Variants in ITPR1 observed in about 807,000 individuals in gnomAD.
ITPR1 encodes the protein inositol 1,4,5-trisphosphate receptor type 1, also known as inositol 1,4,5-trisphosphate-gated calcium channel ITPR1.
In ITPR1, 96 loss-of-function variants were observed where a neutral mutation model predicts 318.4. The ratio of observed to expected loss-of-function variants is 0.30; its 90% CI spans 0.26 to 0.36. ITPR1 has a LOEUF of 0.36. Ranked by LOEUF, ITPR1 falls within the 10% of genes least tolerant of loss-of-function variation. ITPR1 has a pLI of 1.00. For missense variants in ITPR1, 2,440 were observed against 3,460.2 expected (o/e 0.71, Z 7.40); for synonymous variants, 1,312 against 1,289.9 (o/e 1.02, Z -0.37).
chr3:4,533,233 A>G (rs1386473498), intron 4 of ITPR1, among the ~76,000 whole-genome samples: 1 of 152,230 alleles, frequency 6.6e-6, no homozygotes, highest in Non-Finnish European at 1.5e-5. Flanking sequence ...AATAGAAAAA[A>G]ACAATAGCTT....
At chr3:4,770,072 A>G (rs2046088396) in intron 46 of ITPR1, among the ~76,000 whole-genome samples, 2 of 152,164 alleles carry the variant, frequency 1.3e-5, no homozygotes. Context: ...GTTTCCTCCT[A>G]AGACACTCCA....
intron 4 of ITPR1, among the ~76,000 whole-genome samples, chr3:4,582,296 A>G (rs1359789951): frequency 6.6e-6 from 1 of 152,144 alleles, no homozygotes; most frequent in Non-Finnish European, 1.5e-5. Context: ...CCGCTGGTTA[A>G]TTTAATGCCT....
rs1210249662 is a variant in ITPR1, at chr3:4,669,746, C to G, written c.1979C>G (p.Thr660Ser). The G allele has an allele frequency of 1.2e-6, 2 of 1,612,890 alleles. No individual in the cohort carries two copies. The change falls in exon 19 of 62, where the codon ACC (threonine) becomes AGC (serine). Residue 660 changes from threonine to serine, a missense_variant. This residue lies in a region of ITPR1 where 478 missense variants were observed against 696.3 expected (regional missense o/e 0.69). Transcript: ENST00000649015. ...ATATGTAAAGCTGTGCTGAACCCCACCAACGCTGACATCCTGATTGAGACC... is the reference window on the plus strand; with the variant it reads ...ATATGTAAAGCTGTGCTGAACCCCAGCAACGCTGACATCCTGATTGAGACC... Reference protein sequence around the residue: ...ELICKAVLNPTNADILIETKL... With the variant: ...ELICKAVLNPSNADILIETKL...
At chr3:4,561,149 G>T (rs2086635280) in intron 4 of ITPR1, among the ~76,000 whole-genome samples, 1 of 152,218 alleles carries the variant, frequency 6.6e-6, no homozygotes, top group Non-Finnish European at 1.5e-5. Context: ...ATGTTTGTAA[G>T]TGCTGAGTCG....
At chr3:4,546,059 T>C (rs1160092518) in intron 4 of ITPR1, among the ~76,000 whole-genome samples, 1 of 152,160 alleles carries the variant, frequency 6.6e-6, no homozygotes, top group Non-Finnish European at 1.5e-5. Context: ...CAAGAACAAC[T>C]TTAGAGGTTC....
chr3:4,599,095 G>C (rs907454721), intron 4 of ITPR1, among the ~76,000 whole-genome samples: 1 of 151,654 alleles, frequency 6.6e-6, no homozygotes, highest in Admixed American at 6.6e-5. Flanking sequence ...CTAATATTGA[G>C]AATACTTACT....
At chr3:4,590,461 G>A (rs1476505174) in intron 4 of ITPR1, among the ~76,000 whole-genome samples, 2 of 151,112 alleles carry the variant, frequency 1.3e-5, no homozygotes, top group Admixed American at 6.6e-5. Flanking sequence ...TTGGACAGAA[G>A]CAAGAATGCT....
chr3:4,524,761 A>G (rs1267703930), intron 4 of ITPR1, among the ~76,000 whole-genome samples: 1 of 152,180 alleles, frequency 6.6e-6, no homozygotes, highest in Admixed American at 6.5e-5. Context: ...TGCAGCCCTA[A>G]TGGTTAATAA....
intron 2 of ITPR1, among the ~76,000 whole-genome samples, chr3:4,508,718 C>T (rs1291156286): frequency 6.6e-6 from 1 of 152,096 alleles, no homozygotes; most frequent in African/African-American, 2.4e-5. Flanking sequence ...GTTCTAAATA[C>T]TGAATTACTA....
intron 4 of ITPR1, among the ~76,000 whole-genome samples, chr3:4,558,727 T>G (rs530801668): frequency 6.6e-6 from 1 of 152,188 alleles, no homozygotes; most frequent in Non-Finnish European, 1.5e-5. Context: ...GAGCTCCTGG[T>G]GCAGGTACGA....
chr3:4,800,409 T>A lies in ITPR1; in HGVS notation c.6932-16T>A, dbSNP rs772247965. On this transcript the variant is annotated splice_polypyrimidine_tract_variant and intron_variant, in intron 53 of 61. Coordinates refer to ENST00000649015, the MANE Select transcript of ITPR1 (RefSeq NM_001378452.1). ...AAGGCACAGATTTGTGAGAGAACCC[T>A]GTTTTGTCCTTGCAGGAACCCTGGA... is the stretch of plus-strand genomic sequence containing the variant. 6.2e-7 allele frequency: 1 copy of A among 1,611,176 alleles called. No homozygotes were observed. The highest frequency in any genetic ancestry group is 8.5e-7 in the Non-Finnish European group (1 of 1,179,130).
At chr3:4,606,999 G>A (rs1054289677) in intron 4 of ITPR1, among the ~76,000 whole-genome samples, 1 of 152,092 alleles carries the variant, frequency 6.6e-6, no homozygotes, top group African/African-American at 2.4e-5. Flanking sequence ...GAAGTGCAGG[G>A]GCCACGTGAG....
intron 4 of ITPR1, among the ~76,000 whole-genome samples, chr3:4,542,277 CTG>C (rs1210079911): frequency 6.6e-6 from 1 of 152,024 alleles, no homozygotes; most frequent in Non-Finnish European, 1.5e-5. Flanking sequence ...TCTTATTTCC[CTG>C]TGTGTTTTGT....
intron 26 of ITPR1, among the ~76,000 whole-genome samples, chr3:4,682,715 A>G (rs1237459428): frequency 6.6e-6 from 1 of 152,204 alleles, no homozygotes; most frequent in Admixed American, 6.5e-5. Context: ...TTTGGAATAC[A>G]TAGCATGAAT....
Position 4,661,103 on chromosome 3 carries a change from TG to T in ITPR1, c.1251+17del. ...GATGCTGAAAGTAAGTCCTGGGACTTGCCTGTCTCCTTTTGGTCTCGTGTTT... is the reference window on the plus strand; with the variant it reads ...GATGCTGAAAGTAAGTCCTGGGACTTCCTGTCTCCTTTTGGTCTCGTGTTT... On this transcript the variant is annotated intron_variant, in intron 14 of 61. Transcript: ENST00000649015. 1 of 1,460,154 alleles carries T rather than the reference TG, an allele frequency of 6.8e-7. No homozygotes were observed. Among genetic ancestry groups the T allele is most frequent in the Non-Finnish European group, 9.6e-7 (1 of 1,039,980 alleles). The allele number at this position is 1,460,154 out of a possible 1,614,324, so 90.4% of individuals were successfully genotyped here. A position where few individuals can be genotyped will look rare whatever the true frequency, so the allele number is the denominator to read the frequency against.
intron 4 of ITPR1, among the ~76,000 whole-genome samples, chr3:4,539,284 A>G (rs546173849): frequency 2.0e-5 from 3 of 152,238 alleles, no homozygotes; most frequent in African/African-American, 7.2e-5. Context: ...TGTTGGTCAG[A>G]TAATATCTTT....
At chr3:4,626,650 C>T (rs150933996) in intron 4 of ITPR1, among the ~76,000 whole-genome samples, 3 of 152,020 alleles carry the variant, frequency 2.0e-5, no homozygotes, top group South Asian at 2.1e-4. Context: ...TTGTATAAAC[C>T]GAGGCATGCT....
intron 11 of ITPR1, 49 bp downstream of exon 11, chr3:4,652,267 C>G (rs772285603): frequency 3.8e-6 from 5 of 1,310,918 alleles, no homozygotes; most frequent in Admixed American, 1.9e-5. Flanking sequence ...ACGCACCTCA[C>G]CGCCTTTCCT....
At chr3:4,719,589 C>T (rs1281607070) in intron 40 of ITPR1, among the ~76,000 whole-genome samples, 1 of 152,212 alleles carries the variant, frequency 6.6e-6, no homozygotes, top group East Asian at 1.9e-4. Flanking sequence ...AGCCCCAAGG[C>T]TGTGTAGGGC....
Sources: allele counts gnomAD v4.1 joint callset (sites outside exome capture counted in the v4.1 genomes callset), GRCh38; gene constraint gnomAD v4.1.1; regional missense constraint gnomAD v4.1.1; transcripts MANE v1.5; gene names NCBI Gene and HGNC (gene_info 2026-07-23, HGNC 2026-07-21).